The following EPM2A variants were observed in gnomAD, a reference collection of about 807,000 sequenced individuals.
EPM2A encodes the protein laforin.
In EPM2A, 21 loss-of-function variants were observed where a neutral mutation model predicts 26.5. That is an observed-to-expected ratio of 0.79 (90% CI 0.56 to 1.14). The LOEUF is 1.14. Ranked by LOEUF, EPM2A falls within the 50% of genes most tolerant of loss-of-function variation. The probability of loss-of-function intolerance (pLI) is 0.00; values close to 1 mark genes in which losing one functional copy is unlikely to be tolerated. For synonymous variants in EPM2A, 217 were observed against 177.6 expected, an observed-to-expected ratio of 1.22 and a Z score of -1.76; for missense variants, 458 against 440.8, an observed-to-expected ratio of 1.04 and a Z score of -0.35.
At chr6:145,510,087 A>T (rs912541413) in intron 2 of EPM2A, among the ~76,000 whole-genome samples, 6 of 152,080 alleles carry the variant, frequency 3.9e-5, no homozygotes, top group Admixed American at 3.9e-4. Flanking sequence ...TTCACAAAAC[A>T]ATTACTTCTG....
At chr6:145,401,167 T>A (rs1778480257) in intron 4 of EPM2A, among the ~76,000 whole-genome samples, 1 of 151,326 alleles carries the variant, frequency 6.6e-6, no homozygotes, top group East Asian at 1.9e-4. Context: ...TGAAAACGGG[T>A]AGGGGGAAAA....
chr6:145,387,315 G>T (rs1377006613), intron 4 of EPM2A, among the ~76,000 whole-genome samples: 1 of 152,134 alleles, frequency 6.6e-6, no homozygotes, highest in East Asian at 1.9e-4. Context: ...GGTTCTGCAT[G>T]CTAGGAATCA....
At chr6:145,679,264 TG>T (rs1780314948) in intron 2 of EPM2A, among the ~76,000 whole-genome samples, 1 of 56,246 alleles carries the variant, frequency 1.8e-5, no homozygotes, top group Admixed American at 2.4e-4. Flanking sequence ...TGTCAGGGGG[TG>T]GGGTACTGGG....
At chr6:145,522,928 A>G (rs2114775520) in intron 2 of EPM2A, among the ~76,000 whole-genome samples, 1 of 152,164 alleles carries the variant, frequency 6.6e-6, no homozygotes, top group East Asian at 1.9e-4. Flanking sequence ...CACCTCCTTC[A>G]TCTGGCTAAC....
chr6:145,622,535 G>A (rs531221974), downstream of EPM2A, among the ~76,000 whole-genome samples: 1 of 152,336 alleles, frequency 6.6e-6, no homozygotes, highest in South Asian at 2.1e-4. Flanking sequence ...TTAGAGTCGA[G>A]TGGGCCCAAT....
At chr6:145,690,432 C>T (rs891512485) in intron 1 of EPM2A, among the ~76,000 whole-genome samples, 5 of 148,858 alleles carry the variant, frequency 3.4e-5, no homozygotes, top group Non-Finnish European at 7.4e-5. Flanking sequence ...ATGGCGTGAA[C>T]CCGGGAAGCG....
At chr6:145,620,810 A>T (rs142892085), downstream of EPM2A, among the ~76,000 whole-genome samples, 374 of 152,206 alleles carry the variant, frequency 2.5e-3, 3 homozygotes, top group African/African-American at 8.5e-3. Flanking sequence ...AATAACAGCA[A>T]TTTTTTCAGC....
At chr6:145,643,067 TAGAG>T (rs1417395372) in intron 2 of EPM2A, among the ~76,000 whole-genome samples, 7 of 152,084 alleles carry the variant, frequency 4.6e-5, no homozygotes, top group Non-Finnish European at 1.0e-4. Flanking sequence ...GTGGTACAGA[TAGAG>T]AGAAGTGGAT....
At chr6:145,423,466 C>A (rs958556494) in intron 4 of EPM2A, among the ~76,000 whole-genome samples, 4 of 152,052 alleles carry the variant, frequency 2.6e-5, no homozygotes, top group Non-Finnish European at 4.4e-5. Flanking sequence ...TAAGATATGT[C>A]CTGTCATATG....
intron 1 of EPM2A, among the ~76,000 whole-genome samples, chr6:145,717,269 A>G (rs984997390): frequency 2.6e-5 from 4 of 152,202 alleles, no homozygotes; most frequent in African/African-American, 7.2e-5. Context: ...CTTATCCACC[A>G]TGATCAAGTG....
chr6:145,609,410 T>A (rs578071216), intron 2 of EPM2A, among the ~76,000 whole-genome samples: 20 of 152,330 alleles, frequency 1.3e-4, no homozygotes, highest in African/African-American at 4.6e-4. Context: ...CACAAAGAAT[T>A]GTGAGTAAAA....
intron 4 of EPM2A, among the ~76,000 whole-genome samples, chr6:145,409,669 G>A (rs1169062100): frequency 2.0e-5 from 3 of 152,124 alleles, no homozygotes; most frequent in South Asian, 2.1e-4. Flanking sequence ...CAGTTTCTGT[G>A]AATCAGGAGT....
intron 4 of EPM2A, among the ~76,000 whole-genome samples, chr6:145,451,891 T>G (rs1001936222): frequency 7.4e-5 from 11 of 149,174 alleles, no homozygotes; most frequent in Non-Finnish European, 1.5e-5. Flanking sequence ...CATTGATTTT[T>G]AAGGAGTGTA....
intron 2 of EPM2A, among the ~76,000 whole-genome samples, chr6:145,576,908 T>C (rs1345436586): frequency 6.6e-6 from 1 of 151,166 alleles, no homozygotes; most frequent in Non-Finnish European, 1.5e-5. Context: ...TTTTTTTAGG[T>C]TTCTCTTTGC....
chr6:145,592,704 T>C (rs1781291406), intron 2 of EPM2A, among the ~76,000 whole-genome samples: 1 of 152,080 alleles, frequency 6.6e-6, no homozygotes, highest in Non-Finnish European at 1.5e-5. Flanking sequence ...CTCATTGTGG[T>C]TTTGATTTGC....
chr6:145,387,668 G>A lies in EPM2A; in HGVS notation c.556-3571C>T, dbSNP rs1000390641. Among the ~76,000 whole-genome samples the A allele has an allele frequency of 3.9e-5, 6 of 151,970 alleles. No homozygotes were observed. The South Asian group carries it at 1.2e-3, about 32-fold the overall frequency. Reference sequence around the variant, plus strand: ...AGAGGAAGACCTAAGAAAGACATTTGCTTTCATAGTAACAGCAGGGAAAAA... The same window carrying A: ...AGAGGAAGACCTAAGAAAGACATTTACTTTCATAGTAACAGCAGGGAAAAA... On this transcript the variant is annotated intron_variant, in intron 4 of 4. Coordinates refer to the EPM2A transcript ENST00000638717.
chr6:145,705,835 C>T (rs1465562698), intron 1 of EPM2A: 5 of 456,000 alleles, frequency 1.1e-5, no homozygotes, highest in African/African-American at 2.0e-5. Context: ...AACAATCTTC[C>T]CCTGGGGAGA....
chr6:145,501,439 T>C (rs899828063), downstream of EPM2A: 4 of 175,068 alleles, frequency 2.3e-5, no homozygotes, highest in African/African-American at 9.6e-5. Flanking sequence ...TTAATTATTC[T>C]ATTTTCCGAA....
chr6:145,640,730 C>T (rs1426432515), intron 2 of EPM2A: 1 of 152,092 alleles, frequency 6.6e-6, no homozygotes, highest in Non-Finnish European at 1.5e-5. Flanking sequence ...TAATTTAGAT[C>T]TCATTAGTGG....
Sources: gnomAD v4.1 joint callset for allele counts (sites outside exome capture counted in the v4.1 genomes callset) on GRCh38, gnomAD v4.1.1 for gene constraint, MANE v1.5 for transcripts, NCBI Gene and HGNC (gene_info 2026-07-23, HGNC 2026-07-21) for gene names.